The following SDK1 variants were observed in gnomAD, a reference collection of about 807,000 sequenced individuals.
The protein encoded by SDK1 is sidekick cell adhesion molecule 1.
SDK1 carries 157 observed loss-of-function variants against 245.5 expected under a neutral mutation model. The ratio of observed to expected loss-of-function variants is 0.64; its 90% CI spans 0.56 to 0.73. The LOEUF is 0.73. Ranked by LOEUF, SDK1 falls within the 30% of genes least tolerant of loss-of-function variation. SDK1 has a pLI of 0.00. For synonymous variants in SDK1, 1,647 were observed against 1,278.5 expected (o/e 1.29, Z -6.15); for missense variants, 3,583 against 3,002.3 (o/e 1.19, Z -4.52).
chr7:3,440,394 C>A (rs893520368), intron 1 of SDK1, among the ~76,000 whole-genome samples: 4 of 152,068 alleles, frequency 2.6e-5, no homozygotes, highest in Admixed American at 2.0e-4. Flanking sequence ...GAATGGTAAG[C>A]TGCGAAGGTT....
intron 14 of SDK1, among the ~76,000 whole-genome samples, chr7:4,006,549 C>G (rs1410355597): frequency 6.6e-6 from 1 of 152,176 alleles, no homozygotes; most frequent in Non-Finnish European, 1.5e-5. Flanking sequence ...TAACAGTTCT[C>G]AGCAAGCTTG....
In SDK1 at chr7:3,547,109, T is replaced by G. The variant is rs144271157; in HGVS notation, c.299-71971T>G. On this transcript the variant is annotated intron_variant, in intron 1 of 44. Coordinates refer to ENST00000404826, the MANE Select transcript of SDK1 (RefSeq NM_152744.4). ...TGTGACCTTGTCTACACTTAGAGTT[T>G]TAGATAATTTTTATTATGATTTAAC... 3.3e-3 allele frequency among the ~76,000 whole-genome samples: 505 copies of G among 152,312 alleles called. 1 individual carries two copies. The highest frequency in any genetic ancestry group is 0.012 in the African/African-American group (490 of 41,584).
intron 5 of SDK1, among the ~76,000 whole-genome samples, chr7:3,855,393 A>G (rs1220214921): frequency 6.6e-6 from 1 of 152,130 alleles, no homozygotes; most frequent in African/African-American, 2.4e-5. Context: ...CTATTTTAGG[A>G]GAGGTGCAAG....
chr7:3,828,493 A>G (rs1201441543), intron 5 of SDK1, among the ~76,000 whole-genome samples: 1 of 151,946 alleles, frequency 6.6e-6, no homozygotes, highest in Non-Finnish European at 1.5e-5. Context: ...GTTTTTTAAA[A>G]TATAAAACCT....
At chr7:3,663,057 TA>T (rs2128659998) in intron 4 of SDK1, among the ~76,000 whole-genome samples, 1 of 152,356 alleles carries the variant, frequency 6.6e-6, no homozygotes, top group East Asian at 1.9e-4. Context: ...ATAGTACACA[TA>T]TTTGATCTCA....
At chr7:3,775,115 A>G (rs561152752) in intron 4 of SDK1, among the ~76,000 whole-genome samples, 12 of 152,350 alleles carry the variant, frequency 7.9e-5, no homozygotes, top group Non-Finnish European at 1.0e-4. Context: ...CAAAGGCTCA[A>G]CTGGCAATTT....
At chr7:3,461,646 C>A (rs1287736840) in intron 1 of SDK1, among the ~76,000 whole-genome samples, 1 of 152,130 alleles carries the variant, frequency 6.6e-6, no homozygotes, top group Non-Finnish European at 1.5e-5. Context: ...CTTTTCAGAT[C>A]AAAACTTTCC....
intron 4 of SDK1, among the ~76,000 whole-genome samples, chr7:3,660,592 C>T (rs1783320448): frequency 6.6e-6 from 1 of 152,182 alleles, no homozygotes. Flanking sequence ...AAAAAAGGTC[C>T]TGTTTCACGC....
At chr7:3,688,204 A>G (rs985539467) in intron 4 of SDK1, among the ~76,000 whole-genome samples, 7 of 152,214 alleles carry the variant, frequency 4.6e-5, no homozygotes, top group Non-Finnish European at 7.3e-5. Context: ...TGAGGCTTTT[A>G]AAGTGTTTCT....
At chr7:3,564,374 G>A (rs1779841009) in intron 1 of SDK1, among the ~76,000 whole-genome samples, 1 of 152,060 alleles carries the variant, frequency 6.6e-6, no homozygotes, top group Non-Finnish European at 1.5e-5. Context: ...TGTAGTCCCA[G>A]CTGCTTTGGG....
At chr7:3,445,060 T>C (rs534112826) in intron 1 of SDK1, among the ~76,000 whole-genome samples, 1 of 152,352 alleles carries the variant, frequency 6.6e-6, no homozygotes, top group African/African-American at 2.4e-5. Flanking sequence ...GTATTTATTT[T>C]CTTAAAATAA....
chr7:4,053,767 C>T (rs1779030314), intron 19 of SDK1, among the ~76,000 whole-genome samples: 1 of 152,158 alleles, frequency 6.6e-6, no homozygotes, highest in African/African-American at 2.4e-5. Flanking sequence ...ACAATCAATC[C>T]CTCCTCACAA....
rs568348308 is a variant in SDK1, at chr7:3,926,875, G to T, written c.848-24048G>T. 2.6e-5 allele frequency among the ~76,000 whole-genome samples: 4 copies of T among 152,300 alleles called. No individual in the cohort carries two copies. In the East Asian group the frequency reaches 7.7e-4, roughly 29 times the overall value. On this transcript the variant is annotated intron_variant, in intron 5 of 44. Coordinates refer to ENST00000404826, the MANE Select transcript of SDK1 (RefSeq NM_152744.4). ...TCTTACCTGTAAAACAGGAACCACA[G>T]GCCTTTTGCATTTAGGGGCAAGGGT...
At chr7:3,652,491 C>T (rs1200341493) in intron 4 of SDK1, among the ~76,000 whole-genome samples, 5 of 152,126 alleles carry the variant, frequency 3.3e-5, no homozygotes, top group Non-Finnish European at 7.3e-5. Flanking sequence ...AATATGCGCA[C>T]GGATGCATGT....
At chr7:3,882,783 C>G (rs1044931242) in intron 5 of SDK1, among the ~76,000 whole-genome samples, 16 of 151,918 alleles carry the variant, frequency 1.1e-4, no homozygotes, top group Non-Finnish European at 4.4e-5. Flanking sequence ...ACTTTGTTAG[C>G]AATTCTCTTC....
chr7:4,074,973 G>C (rs1025552229), intron 20 of SDK1, among the ~76,000 whole-genome samples: 5 of 145,176 alleles, frequency 3.4e-5, no homozygotes, highest in Non-Finnish European at 6.0e-5. Context: ...AAAATGAGTG[G>C]TTGGCCTGGG....
At chr7:3,982,456 A>G (rs1055816221) in intron 13 of SDK1, among the ~76,000 whole-genome samples, 5 of 152,238 alleles carry the variant, frequency 3.3e-5, no homozygotes, top group East Asian at 1.9e-4. Context: ...TCATAAGACT[A>G]TAGTTGCCAT....
intron 4 of SDK1, among the ~76,000 whole-genome samples, chr7:3,720,292 T>C (rs1214489697): frequency 6.6e-6 from 1 of 151,634 alleles, no homozygotes; most frequent in Non-Finnish European, 1.5e-5. Flanking sequence ...AAACAAAAAC[T>C]GCAGACATGG....
intron 4 of SDK1, among the ~76,000 whole-genome samples, chr7:3,736,330 G>A (rs1487167486): frequency 6.6e-6 from 1 of 152,156 alleles, no homozygotes; most frequent in Non-Finnish European, 1.5e-5. Flanking sequence ...GTCTTGCTCT[G>A]TCGCCCAGGC....
Sources: gnomAD v4.1 joint callset for allele counts (sites outside exome capture counted in the v4.1 genomes callset) on GRCh38, gnomAD v4.1.1 for gene constraint, MANE v1.5 for transcripts, NCBI Gene and HGNC (gene_info 2026-07-23, HGNC 2026-07-21) for gene names.